The following GCLC variants were observed in gnomAD, a reference collection of about 807,000 sequenced individuals.
The protein encoded by GCLC is glutamate-cysteine ligase catalytic subunit, also known as glutamate--cysteine ligase catalytic subunit.
GCLC carries 30 observed loss-of-function variants against 81.5 expected under a neutral mutation model. The ratio of observed to expected loss-of-function variants is 0.37; its 90% CI spans 0.28 to 0.50. The LOEUF (loss-of-function observed/expected upper bound fraction) is 0.50. GCLC is among the 20% of genes least tolerant of loss of function. The probability of loss-of-function intolerance (pLI) is 0.96; values close to 1 mark genes in which losing one functional copy is unlikely to be tolerated. For synonymous variants in GCLC, 262 were observed against 273.3 expected (o/e 0.96, Z 0.41); for missense variants, 556 against 777.4 (o/e 0.72, Z 3.39).
rs1764808899 is a variant in GCLC at position 53,514,027 on chromosome 6, A to C, written c.753+177T>G. On this transcript the variant is annotated intron_variant, in intron 6 of 15. Coordinates refer to ENST00000650454, the MANE Select transcript of GCLC (RefSeq NM_001498.4). ...AACAGAGTCTGTAGAACTATTAGTC[A>C]TAGACAGCTTCCAATGAATTTACTA... 9 of 644,720 alleles carry C rather than the reference A, an allele frequency of 1.4e-5. No homozygotes were observed. In the South Asian group the frequency reaches 1.7e-4, roughly 12 times the overall value. 39.9% of individuals were successfully genotyped at this position (644,720 alleles called of 1,614,324 possible).
intron 1 of GCLC, among the ~76,000 whole-genome samples, chr6:53,523,053 A>G (rs1372986539): frequency 2.0e-5 from 3 of 152,210 alleles, no homozygotes; most frequent in African/African-American, 7.2e-5. Flanking sequence ...TACCGTGTGG[A>G]GAAGTTATTT....
At chr6:53,509,514 AG>A in intron 6 of GCLC, 1 of 556,758 alleles carries the variant, frequency 1.8e-6, no homozygotes, top group South Asian at 2.1e-5. Context: ...TAGTCAAAAA[AG>A]AAAAATAAGA....
intron 1 of GCLC, among the ~76,000 whole-genome samples, chr6:53,542,206 G>A (rs774551435): frequency 5.3e-5 from 8 of 152,090 alleles, no homozygotes; most frequent in Non-Finnish European, 1.0e-4. Context: ...TCTGCTCAGC[G>A]TAATTTTTTC....
At chr6:53,507,801 T>C (rs1018243067) in intron 8 of GCLC, among the ~76,000 whole-genome samples, 183 bp from the exon 9 acceptor site, 5 of 152,152 alleles carry the variant, frequency 3.3e-5, no homozygotes, top group Admixed American at 3.3e-4. Context: ...ATACCCTTTT[T>C]TTCTGGTATG....
chr6:53,516,756 G>A (rs1446057600), intron 3 of GCLC, among the ~76,000 whole-genome samples: 1 of 152,122 alleles, frequency 6.6e-6, no homozygotes, highest in Non-Finnish European at 1.5e-5. Flanking sequence ...ATTAGGGAGT[G>A]TCTCTGCAGG....
intron 1 of GCLC, among the ~76,000 whole-genome samples, chr6:53,533,650 A>C (rs1468399226): frequency 2.0e-5 from 3 of 152,238 alleles, no homozygotes; most frequent in Non-Finnish European, 4.4e-5. Flanking sequence ...AGGTATTCTG[A>C]AACAATTAAA....
intron 1 of GCLC, among the ~76,000 whole-genome samples, chr6:53,524,569 T>C (rs752666629): frequency 6.6e-6 from 1 of 152,164 alleles, no homozygotes; most frequent in Non-Finnish European, 1.5e-5. Flanking sequence ...TTACTCTGTG[T>C]AGCATTCCTA....
At position 53,516,839 on chromosome 6, in the gene GCLC, G is replaced by C. The variant is rs78374669; in HGVS notation, c.447-617C>G. Among the ~76,000 whole-genome samples the C allele has an allele frequency of 8.5e-3, 1,292 of 152,188 alleles. 18 individuals carry two copies. Among genetic ancestry groups the C allele is most frequent in the African/African-American group, 0.03 (1,247 of 41,522 alleles). ...CCTATTCTCTTACTTGACTTAAGGA[G>C]CTCTAATTTCAACACAGAAAAATGA... On this transcript the variant is annotated intron_variant, in intron 3 of 15. Transcript: ENST00000650454.
At chr6:53,521,005 A>T (rs1193544642) in intron 2 of GCLC, 45 bp from the exon 3 acceptor site, 1 of 1,484,374 alleles carries the variant, frequency 6.7e-7, no homozygotes, top group Non-Finnish European at 9.4e-7. Flanking sequence ...CTTTTGCTAT[A>T]GTCTGCTCAA....
chr6:53,506,667 A>T lies in GCLC; in HGVS notation c.1197+246T>A. 1 of 452,296 alleles carries T rather than the reference A, an allele frequency of 2.2e-6. No individual in the cohort carries two copies. The allele number at this position is 452,296 out of a possible 1,614,324, so 28.0% of individuals were successfully genotyped here. A position where few individuals can be genotyped will look rare whatever the true frequency, so the allele number is the denominator to read the frequency against. On this transcript the variant is annotated intron_variant, in intron 10 of 15. Transcript: ENST00000650454. The surrounding 1 kb of genome is among the most constrained non-coding windows in gnomAD (Gnocchi z 4.0). ...AAAATACTGAACAATAAAAAAAAAA[A>T]TTAGAATCAGTGAGATAAACAGTAA... is the stretch of plus-strand genomic sequence containing the variant.
intron 12 of GCLC, among the ~76,000 whole-genome samples, chr6:53,501,895 C>T (rs1273928928): frequency 6.6e-6 from 1 of 152,190 alleles, no homozygotes. Flanking sequence ...TACTCAATGA[C>T]TTAGATTTAA....
At chr6:53,502,244 G>A (rs1234973993) in intron 12 of GCLC, among the ~76,000 whole-genome samples, 1 of 152,128 alleles carries the variant, frequency 6.6e-6, no homozygotes, top group African/African-American at 2.4e-5. Context: ...TTCCCCCATG[G>A]CCTTTCCCAT....
chr6:53,507,907 A>C (rs966740598), intron 8 of GCLC, among the ~76,000 whole-genome samples: 1 of 152,212 alleles, frequency 6.6e-6, no homozygotes, highest in Non-Finnish European at 1.5e-5. Context: ...TAAATAAATA[A>C]ATCTATAACG....
intron 9 of GCLC, among the ~76,000 whole-genome samples, chr6:53,507,275 C>G (rs1373586267): frequency 1.3e-5 from 2 of 152,198 alleles, no homozygotes; most frequent in Non-Finnish European, 2.9e-5. Flanking sequence ...CACAGACCTC[C>G]AAAGTAAGCT....
intron 1 of GCLC, among the ~76,000 whole-genome samples, chr6:53,534,658 G>GC (rs1763229600): frequency 6.6e-6 from 1 of 152,112 alleles, no homozygotes; most frequent in Non-Finnish European, 1.5e-5. Flanking sequence ...GTGAAGAAGA[G>GC]CCCAGTGGAC....
At chr6:53,531,665 A>G (rs1328919752) in intron 1 of GCLC, among the ~76,000 whole-genome samples, 1 of 152,172 alleles carries the variant, frequency 6.6e-6, no homozygotes, top group Non-Finnish European at 1.5e-5. Flanking sequence ...TTTTTACCTC[A>G]GTATTTCAAG....
Position 53,498,192 on chromosome 6 carries a change from C to G in GCLC, c.*564G>C, listed in dbSNP as rs935459750. On this transcript the variant is annotated 3_prime_UTR_variant, in exon 16 of 16. Transcript: ENST00000650454. ...GAGGGGAAAGCTTGGGGCAAGGTGA[C>G]CAAGTGATTATTCCAATTGCAAAAG... 1 of 153,838 alleles carries G rather than the reference C, an allele frequency of 6.5e-6. No homozygotes were observed. Among genetic ancestry groups the G allele is most frequent in the African/African-American group, 2.4e-5 (1 of 41,352 alleles). The allele number at this position is 153,838 out of a possible 1,614,324, so 9.5% of individuals were successfully genotyped here. A position where few individuals can be genotyped will look rare whatever the true frequency, so the allele number is the denominator to read the frequency against.
chr6:53,500,353 G>A lies in GCLC; in HGVS notation c.1478-3C>T. 1.2e-6 allele frequency: 2 copies of A among 1,613,868 alleles called. No individual in the cohort carries two copies. Among genetic ancestry groups the A allele is most frequent in the Non-Finnish European group, 1.7e-6 (2 of 1,179,752 alleles). On this transcript the variant is annotated splice_polypyrimidine_tract_variant and splice_region_variant and intron_variant, in intron 13 of 15. Coordinates refer to ENST00000650454, the MANE Select transcript of GCLC (RefSeq NM_001498.4). ...ACCATCCACCACTGCATTGCCACCT[G>A]CCGGAGAAGAGGGTCAGGGGAGCTT...
At chr6:53,514,119 T>C in intron 6 of GCLC, 85 bp downstream of exon 6, 5 of 1,296,874 alleles carry the variant, frequency 3.9e-6, no homozygotes, top group Non-Finnish European at 5.6e-6. Flanking sequence ...ATGTGATTTT[T>C]GGAACAGGAA....
Sources: gnomAD v4.1 joint callset for allele counts (sites outside exome capture counted in the v4.1 genomes callset) on GRCh38, gnomAD v4.1.1 for gene constraint, Gnocchi (gnomAD v3.1) non-coding constraint, MANE v1.5 for transcripts, NCBI Gene and HGNC (gene_info 2026-07-23, HGNC 2026-07-21) for gene names.